Variants in TCF20 observed in about 807,000 individuals in gnomAD.
TCF20 encodes SPRE-binding protein.
TCF20 carries 3 observed loss-of-function variants against 148.6 expected under a neutral mutation model. The observed-to-expected ratio is 0.02, with a 90% CI of 0.01 to 0.05. The LOEUF is 0.05. Among genes scored for constraint, TCF20 ranks in the 10% least tolerant of loss-of-function variants. The pLI is 1.00. For synonymous variants in TCF20, 1,049 were observed against 909.5 expected (o/e 1.15, Z -2.76); for missense variants, 2,350 against 2,429.3 (o/e 0.97, Z 0.69).
intron 2 of TCF20, among the ~76,000 whole-genome samples, chr22:42,188,292 T>A (rs1937145422): frequency 9.2e-4 from 1 of 1,090 alleles, no homozygotes; most frequent in Non-Finnish European, 3.2e-3. Flanking sequence ...AAACTCCGTC[T>A]CAAAAAAAAA....
upstream of TCF20, among the ~76,000 whole-genome samples, chr22:42,284,003 C>A (rs1487706146): frequency 6.6e-6 from 1 of 152,250 alleles, no homozygotes; most frequent in African/African-American, 2.4e-5. Flanking sequence ...GCTCCTCCTG[C>A]CCAAGCCGGC....
intron 1 of TCF20, among the ~76,000 whole-genome samples, chr22:42,263,488 G>A (rs988653576): frequency 1.3e-5 from 2 of 152,184 alleles, no homozygotes; most frequent in Admixed American, 1.3e-4. Flanking sequence ...AGCTGCTGGA[G>A]CCTTAACTCT....
At chr22:42,282,979 C>T (rs986285070) in intron 1 of TCF20, among the ~76,000 whole-genome samples, 24 of 152,370 alleles carry the variant, frequency 1.6e-4, no homozygotes, top group African/African-American at 5.5e-4. Flanking sequence ...CTCCTTTTCC[C>T]GGGAAACCAC....
chr22:42,219,901 A>G (rs552425706), intron 1 of TCF20, among the ~76,000 whole-genome samples: 29 of 152,140 alleles, frequency 1.9e-4, no homozygotes, highest in African/African-American at 6.7e-4. Context: ...TCCCATCCAT[A>G]ATGACTCTCC....
chr22:42,173,115 TGA>T (rs773239198), intron 3 of TCF20, among the ~76,000 whole-genome samples: 14 of 140,642 alleles, frequency 1.0e-4, no homozygotes, highest in African/African-American at 2.1e-4. Context: ...TGTTTTTTCA[TGA>T]GAGTAGAAGA....
chr22:42,326,653 C>T (rs936401429), intron 1 of TCF20, among the ~76,000 whole-genome samples: 3 of 152,208 alleles, frequency 2.0e-5, no homozygotes, highest in Middle Eastern at 3.2e-3. Context: ...TTTAGCCAGG[C>T]CACCCAAGGC....
chr22:42,189,691 T>A (rs973877564), intron 2 of TCF20, among the ~76,000 whole-genome samples: 13 of 152,188 alleles, frequency 8.5e-5, no homozygotes, highest in Non-Finnish European at 1.8e-4. Context: ...CTTTTTAAAA[T>A]AAATCCCTGC....
At chr22:42,327,027 G>A (rs1419563259) in intron 1 of TCF20, among the ~76,000 whole-genome samples, 2 of 152,204 alleles carry the variant, frequency 1.3e-5, no homozygotes, top group African/African-American at 4.8e-5. Flanking sequence ...GAACGATCAC[G>A]TATTCAATGA....
chr22:42,202,884 C>CGAGGCT (rs892136948), intron 2 of TCF20, among the ~76,000 whole-genome samples: 4 of 152,168 alleles, frequency 2.6e-5, no homozygotes, highest in African/African-American at 4.8e-5. Flanking sequence ...GCTAAGGGGC[C>CGAGGCT]GAGGCTGAGG....
chr22:42,211,508 A>G lies in TCF20; in HGVS notation c.3798T>C (p.Ser1266=), dbSNP rs891879249. Residue 1266 remains serine (S), a synonymous_variant, in exon 2 of 6, where the codon AGT becomes AGC. Coordinates refer to ENST00000677622, the MANE Select transcript of TCF20 (RefSeq NM_001378418.1). ...TCTTTACATCTTGTGACTGTCTCTT[A>G]CTGGGAATGGGAGAGATAAAAGAAC... ...RVRSFISPIP[S]KRQSQDVKNS... 6.8e-6 allele frequency: 11 copies of G among 1,614,006 alleles called. No homozygotes were observed. The highest frequency in any genetic ancestry group is 3.3e-4 in the Middle Eastern group (2 of 6,082).
intron 1 of TCF20, among the ~76,000 whole-genome samples, chr22:42,311,192 G>A (rs961628076): frequency 1.3e-5 from 2 of 152,202 alleles, no homozygotes; most frequent in East Asian, 1.9e-4. Context: ...TCCCACCTGC[G>A]GCAGGCTCTG....
chr22:42,286,991 T>G, upstream of TCF20, among the ~76,000 whole-genome samples: 1 of 149,968 alleles, frequency 6.7e-6, no homozygotes. Flanking sequence ...TTGAAAGGAG[T>G]ACAGCTGGGA....
At chr22:42,319,658 A>T (rs1000595725) in intron 1 of TCF20, among the ~76,000 whole-genome samples, 4 of 152,186 alleles carry the variant, frequency 2.6e-5, no homozygotes, top group African/African-American at 7.2e-5. Flanking sequence ...CTAACCCCCG[A>T]TGAGTATCAG....
chr22:42,327,523 G>C (rs898074323), intron 1 of TCF20, among the ~76,000 whole-genome samples: 4 of 152,288 alleles, frequency 2.6e-5, no homozygotes, highest in Admixed American at 1.3e-4. Flanking sequence ...CTCATTTCCT[G>C]TGCGGAAGCT....
chr22:42,164,450 CG>C (rs1271448107), intron 5 of TCF20, among the ~76,000 whole-genome samples: 1 of 152,078 alleles, frequency 6.6e-6, no homozygotes, highest in Non-Finnish European at 1.5e-5. Flanking sequence ...AGGATGGTCT[CG>C]ATCTCCTGAC....
chr22:42,328,049 C>T lies in TCF20; in HGVS notation c.-37+15430G>A, dbSNP rs191190983. Among the ~76,000 whole-genome samples, 322 of 152,166 alleles carry T rather than the reference C, an allele frequency of 2.1e-3. 2 individuals carry two copies. Among genetic ancestry groups the T allele is most frequent in the Non-Finnish European group, 9.0e-4 (61 of 68,020 alleles). On this transcript the variant is annotated intron_variant, in intron 1 of 1. Transcript: ENST00000515426. The stretch of plus-strand genomic sequence containing the variant: ...GTCTTCACAGCCCTTATGTCAGCTG[C>T]GACGTTACTTTCACCTCTGTGAATA...
intron 2 of TCF20, among the ~76,000 whole-genome samples, chr22:42,202,736 C>CCCTTTTGGAA (rs1327411349): frequency 2.0e-5 from 3 of 152,322 alleles, no homozygotes; most frequent in African/African-American, 7.2e-5. Context: ...TTGGATGAAG[C>CCCTTTTGGAA]AAGCCGTATC....
At chr22:42,294,528 C>T (rs1927194316) in intron 1 of TCF20, among the ~76,000 whole-genome samples, 2 of 152,098 alleles carry the variant, frequency 1.3e-5, no homozygotes, top group South Asian at 4.1e-4. Flanking sequence ...GGAAAGGGCC[C>T]TCCCTCCCAG....
chr22:42,289,802 C>G (rs993702325), intron 1 of TCF20, among the ~76,000 whole-genome samples: 1 of 152,208 alleles, frequency 6.6e-6, no homozygotes, highest in Non-Finnish European at 1.5e-5. Flanking sequence ...CCGGGCACAG[C>G]TGCCACCCTG....
Sources: gnomAD v4.1 joint callset for allele counts (sites outside exome capture counted in the v4.1 genomes callset) on GRCh38, gnomAD v4.1.1 for gene constraint, MANE v1.5 for transcripts, NCBI Gene and HGNC (gene_info 2026-07-23, HGNC 2026-07-21) for gene names.